Variants in BCL7A observed in about 807,000 individuals in gnomAD.
BCL7A encodes BAF chromatin remodeling complex subunit BCL7A, also known as B-cell CLL/lymphoma 7 protein family member A.
BCL7A carries 11 observed loss-of-function variants against 28.4 expected under a neutral mutation model. The observed-to-expected ratio is 0.39, with a 90% CI of 0.24 to 0.64. BCL7A has a LOEUF of 0.64. BCL7A is among the 30% of genes least tolerant of loss of function. The pLI is 0.50. For synonymous variants in BCL7A, 123 were observed against 103.3 expected, an observed-to-expected ratio of 1.19 and a Z score of -1.15; for missense variants, 222 against 274.8, an observed-to-expected ratio of 0.81 and a Z score of 1.36.
chr12:122,045,010 T>C (rs1884042640), intron 4 of BCL7A, among the ~76,000 whole-genome samples: 1 of 152,040 alleles, frequency 6.6e-6, no homozygotes, highest in South Asian at 2.1e-4. Flanking sequence ...AGGCTCAAAC[T>C]GGGCGACTGA....
In BCL7A at chr12:122,059,793, C is replaced by T. The variant is rs1366286110; in HGVS notation, c.*630C>T. 1.3e-5 allele frequency: 3 copies of T among 231,830 alleles called. No individual in the cohort carries two copies. The highest frequency in any genetic ancestry group is 5.6e-5 in the Admixed American group (1 of 17,722). 14.4% of individuals were successfully genotyped at this position (231,830 alleles called of 1,614,324 possible). On this transcript the variant is annotated 3_prime_UTR_variant, in exon 6 of 6. Coordinates refer to ENST00000261822, the MANE Select transcript of BCL7A (RefSeq NM_001024808.3). This position sits in a 1 kb window ranked among gnomAD's most constrained non-coding sequence, Gnocchi z 4.0. ...CAGGTGCAGGGGGACCTTAGGCACG[C>T]CCCAAGCACCAGGCACCAGGGCCCA...
chr12:122,028,071 G>T (rs1883668102), intron 1 of BCL7A, among the ~76,000 whole-genome samples: 1 of 152,112 alleles, frequency 6.6e-6, no homozygotes, highest in African/African-American at 2.4e-5. Context: ...TTAAACTTGA[G>T]CTCCATGGCC....
At position 122,059,791 on chromosome 12, in the gene BCL7A, C is replaced by T. The variant is rs756689190; in HGVS notation, c.*628C>T. 6 of 231,656 alleles carry T rather than the reference C, an allele frequency of 2.6e-5. No individual in the cohort carries two copies. Among genetic ancestry groups the T allele is most frequent in the African/African-American group, 6.6e-5 (3 of 45,230 alleles). 14.4% of individuals were successfully genotyped at this position (231,656 alleles called of 1,614,324 possible). On this transcript the variant is annotated 3_prime_UTR_variant, in exon 6 of 6. Transcript: ENST00000261822. The surrounding 1 kb of genome is among the most constrained non-coding windows in gnomAD (Gnocchi z 4.0). ...TGCAGGTGCAGGGGGACCTTAGGCA[C>T]GCCCCAAGCACCAGGCACCAGGGCC...
intron 5 of BCL7A, among the ~76,000 whole-genome samples, chr12:122,055,332 G>A (rs1245308740): frequency 4.6e-5 from 7 of 152,192 alleles, no homozygotes; most frequent in African/African-American, 1.7e-4. Flanking sequence ...CGGTGCTGCT[G>A]GCCCCACTTG....
intron 1 of BCL7A, among the ~76,000 whole-genome samples, chr12:122,028,242 CAA>C: frequency 6.6e-6 from 1 of 152,238 alleles, no homozygotes; most frequent in South Asian, 2.1e-4. Flanking sequence ...CCAGTTGGGG[CAA>C]AGAGAGGCAC....
At chr12:122,040,532 C>CAAAAA (rs1021397193) in intron 3 of BCL7A, among the ~76,000 whole-genome samples, 1 of 59,752 alleles carries the variant, frequency 1.7e-5, no homozygotes. Context: ...GCCGTGTCTC[C>CAAAAA]AAAAAAAAAA....
At chr12:122,022,421 G>C (rs1323980298) in intron 1 of BCL7A, among the ~76,000 whole-genome samples, 2 of 144,760 alleles carry the variant, frequency 1.4e-5, no homozygotes, top group Non-Finnish European at 3.1e-5. Context: ...ACCTGGCGCG[G>C]CGGCCCGGAG....
chr12:122,044,982 C>T (rs777398775), intron 4 of BCL7A, among the ~76,000 whole-genome samples: 17 of 152,108 alleles, frequency 1.1e-4, no homozygotes, highest in African/African-American at 2.7e-4. Flanking sequence ...GTGGTCGGGG[C>T]GGCCTTTGAA....
In BCL7A at chr12:122,061,271, T is replaced by TCTGTTTCTGTG. The variant is rs1951918665; in HGVS notation, c.*2108_*2109insCTGTTTCTGTG. The TCTGTTTCTGTG allele has an allele frequency of 4.3e-6, 1 of 231,212 alleles. No individual in the cohort carries two copies. Among genetic ancestry groups the TCTGTTTCTGTG allele is most frequent in the South Asian group, 1.8e-4 (1 of 5,512 alleles). The allele number at this position is 231,212 out of a possible 1,614,324, so 14.3% of individuals were successfully genotyped here. On this transcript the variant is annotated 3_prime_UTR_variant, in exon 6 of 6. Transcript: ENST00000261822. ...AGAAACAGAGAGGCGTAGGTGGCCC[T>TCTGTTTCTGTG]GCCGTTGACCGCAGCCTCTCTGGAC...
chr12:122,047,078 A>G (rs573784160), intron 4 of BCL7A, among the ~76,000 whole-genome samples: 12 of 151,282 alleles, frequency 7.9e-5, no homozygotes, highest in Admixed American at 3.9e-4. Context: ...TAATTTTTGT[A>G]TTTTTAGTAG....
At position 122,026,266 on chromosome 12, in the gene BCL7A, C is replaced by CAA. The variant is rs78577517; in HGVS notation, c.92+4101_92+4102dup. 5.5e-4 allele frequency among the ~76,000 whole-genome samples: 27 copies of CAA among 49,296 alleles called. 1 individual carries two copies. Among genetic ancestry groups the CAA allele is most frequent in the Admixed American group, 1.6e-3 (7 of 4,406 alleles). The allele number at this position is 49,296 out of a possible 152,430, so 32.3% of individuals were successfully genotyped here. A position where few individuals can be genotyped will look rare whatever the true frequency, so the allele number is the denominator to read the frequency against. On this transcript the variant is annotated intron_variant, in intron 1 of 5. Transcript: ENST00000261822. ...TGGGCGACAGAGCGAGACTCCGTCT[C>CAA]AAAAAAAAAAAAAAAAAAAGAAAAA...
At position 122,060,315 on chromosome 12, in the gene BCL7A, C is replaced by T. The variant is rs1189396967; in HGVS notation, c.*1152C>T. On this transcript the variant is annotated 3_prime_UTR_variant, in exon 6 of 6. Coordinates refer to ENST00000261822, the MANE Select transcript of BCL7A (RefSeq NM_001024808.3). ...CCAACAGCTGGACCGTGTCTCATCCCCAGAACATGCCGTCTGTCCCCACCG... is the reference window on the plus strand; with the variant it reads ...CCAACAGCTGGACCGTGTCTCATCCTCAGAACATGCCGTCTGTCCCCACCG... 1 of 232,814 alleles carries T rather than the reference C, an allele frequency of 4.3e-6. No homozygotes were observed. Among genetic ancestry groups the T allele is most frequent in the African/African-American group, 2.2e-5 (1 of 45,294 alleles). The allele number at this position is 232,814 out of a possible 1,614,324, so 14.4% of individuals were successfully genotyped here.
At chr12:122,040,266 C>G (rs1338206791) in intron 3 of BCL7A, among the ~76,000 whole-genome samples, 1 of 152,136 alleles carries the variant, frequency 6.6e-6, no homozygotes, top group East Asian at 1.9e-4. Flanking sequence ...CGTGGTGGCT[C>G]ACACCCATAA....
At position 122,043,791 on chromosome 12, in the gene BCL7A, C is replaced by T. The variant is rs146174760; in HGVS notation, c.272-95C>T. The T allele has an allele frequency of 8.1e-5, 108 of 1,331,772 alleles. 3 individuals carry two copies. The highest frequency in any genetic ancestry group is 3.6e-4 in the African/African-American group (24 of 66,904). 82.5% of individuals were successfully genotyped at this position (1,331,772 alleles called of 1,614,324 possible). A position where few individuals can be genotyped will look rare whatever the true frequency, so the allele number is the denominator to read the frequency against. ...CCCCGGGAGAGCTGCCATGGGGTTCCGGGCATTGAGGCACAGGGATGCTGA... is the reference window on the plus strand; with the variant it reads ...CCCCGGGAGAGCTGCCATGGGGTTCTGGGCATTGAGGCACAGGGATGCTGA... On this transcript the variant is annotated intron_variant, in intron 3 of 5. Transcript: ENST00000261822.
chr12:122,033,563 C>T (rs961449173), intron 2 of BCL7A, among the ~76,000 whole-genome samples: 14 of 147,650 alleles, frequency 9.5e-5, no homozygotes, highest in African/African-American at 3.8e-4. Context: ...CCGCCCGCCT[C>T]GGCCTCCCAA....
At chr12:122,037,428 G>C (rs1172020526) in intron 3 of BCL7A, among the ~76,000 whole-genome samples, 2 of 152,204 alleles carry the variant, frequency 1.3e-5, no homozygotes, top group African/African-American at 4.8e-5. Flanking sequence ...TTCTGGGGAA[G>C]GAAGGCCAGC....
intron 1 of BCL7A, among the ~76,000 whole-genome samples, chr12:122,027,709 T>C (rs552342576): frequency 1.3e-5 from 2 of 151,974 alleles, no homozygotes; most frequent in Non-Finnish European, 1.5e-5. Context: ...TGGTGGCATG[T>C]GCTTGTAGTC....
rs111336661 is a variant in BCL7A at position 122,060,961 on chromosome 12, TA to T, written c.*1809del. ...TAGCAATGCCGAAAGGTTTCTGTCT[TA>T]AAAAAAAAAATCCTTGTACTTATCA... On this transcript the variant is annotated 3_prime_UTR_variant, in exon 6 of 6. Transcript: ENST00000261822. 2,866 of 201,096 alleles carry T rather than the reference TA, an allele frequency of 0.014. 2 individuals are homozygous for T. The highest frequency in any genetic ancestry group is 0.02 in the East Asian group (241 of 12,100). 12.5% of individuals were successfully genotyped at this position (201,096 alleles called of 1,614,324 possible).
chr12:122,052,847 T>A (rs1370116756), intron 4 of BCL7A, among the ~76,000 whole-genome samples: 1 of 115,558 alleles, frequency 8.7e-6, no homozygotes, highest in African/African-American at 3.4e-5. Context: ...CACGCCTGGC[T>A]TACTTTTGTA....
Sources: allele counts gnomAD v4.1 joint callset (sites outside exome capture counted in the v4.1 genomes callset), GRCh38; gene constraint gnomAD v4.1.1; non-coding constraint Gnocchi (gnomAD v3.1); transcripts MANE v1.5; gene names NCBI Gene and HGNC (gene_info 2026-07-23, HGNC 2026-07-21).